RAD52: variants seen among roughly 807,000 people sequenced by gnomAD.
RAD52 encodes DNA repair protein RAD52 homolog.
Under a neutral mutation model 55.5 loss-of-function variants are expected in RAD52, and 47 were observed. The ratio of observed to expected loss-of-function variants is 0.85; its 90% CI spans 0.67 to 1.08. The LOEUF (loss-of-function observed/expected upper bound fraction) is 1.08. Ranked by LOEUF, RAD52 falls within the 50% of genes least tolerant of loss-of-function variation. The probability of loss-of-function intolerance (pLI) is 0.00; values close to 1 mark genes in which losing one functional copy is unlikely to be tolerated. For synonymous variants in RAD52, 184 were observed against 198.9 expected, an observed-to-expected ratio of 0.92 and a Z score of 0.63; for missense variants, 468 against 522.8, an observed-to-expected ratio of 0.90 and a Z score of 1.02.
upstream of RAD52, among the ~76,000 whole-genome samples, chr12:953,610 G>A (rs1432682117): frequency 6.6e-6 from 1 of 152,164 alleles, no homozygotes; most frequent in East Asian, 1.9e-4. Flanking sequence ...ACATGGCCGT[G>A]CCAAGTTCTT....
exon 1 of RAD52, chr12:989,980 A>G (rs568408257): frequency 6.6e-6 from 1 of 152,324 alleles, no homozygotes; most frequent in African/African-American, 2.4e-5. Flanking sequence ...ATATGTGGGA[A>G]GTACTGAAGG....
chr12:928,353 A>AAC (rs1957151819), intron 5 of RAD52, among the ~76,000 whole-genome samples: 1 of 152,056 alleles, frequency 6.6e-6, no homozygotes, highest in South Asian at 2.1e-4. Flanking sequence ...CTCTACTGAA[A>AAC]ACACACACAA....
chr12:949,966 C>T (rs967915287), upstream of RAD52, among the ~76,000 whole-genome samples: 1 of 152,192 alleles, frequency 6.6e-6, no homozygotes, highest in Non-Finnish European at 1.5e-5. Context: ...ATCTCTGCTG[C>T]CCCCTGGTGG....
intron 6 of RAD52, chr12:926,837 G>C: frequency 6.5e-7 from 1 of 1,536,882 alleles, no homozygotes; most frequent in South Asian, 1.2e-5. Context: ...GGAGAGGAGG[G>C]TGCTGTCTGT....
intron 1 of RAD52, among the ~76,000 whole-genome samples, chr12:955,227 C>T (rs1958587888): frequency 6.6e-6 from 1 of 152,116 alleles, no homozygotes; most frequent in South Asian, 2.1e-4. Context: ...ATACAAAATC[C>T]TATGTATGAT....
chr12:975,779 A>G (rs187110582), intron 1 of RAD52: 1 of 152,322 alleles, frequency 6.6e-6, no homozygotes, highest in East Asian at 1.9e-4. Flanking sequence ...AACCACCCCC[A>G]GTAAACTGCT....
chr12:969,131 A>G (rs1958807673), intron 1 of RAD52, among the ~76,000 whole-genome samples: 2 of 152,096 alleles, frequency 1.3e-5, no homozygotes, highest in African/African-American at 2.4e-5. Flanking sequence ...GAGGTGATTT[A>G]AAGTATACAG....
chr12:916,329 C>G lies in RAD52; in HGVS notation c.865+15G>C. 1 of 1,603,180 alleles carries G rather than the reference C, an allele frequency of 6.2e-7. No homozygotes were observed. Among genetic ancestry groups the G allele is most frequent in the Non-Finnish European group, 8.5e-7 (1 of 1,179,876 alleles). ...GCAGACGCCTCCCAGGGCCCTGCTC[C>G]CACCCCTCGCTCACCCTCACTCTTC... On this transcript the variant is annotated intron_variant, in intron 9 of 11. Coordinates refer to ENST00000358495, the MANE Select transcript of RAD52 (RefSeq NM_134424.4).
intron 1 of RAD52, among the ~76,000 whole-genome samples, chr12:939,912 T>C (rs1163556125): frequency 6.6e-6 from 1 of 152,016 alleles, no homozygotes; most frequent in Non-Finnish European, 1.5e-5. Flanking sequence ...CCGTCTCTAC[T>C]GAAAATACAA....
intron 1 of RAD52, among the ~76,000 whole-genome samples, chr12:939,085 T>TGTGTGTAGAG (rs57206780): frequency 1.4e-5 from 2 of 144,760 alleles, no homozygotes; most frequent in African/African-American, 5.2e-5. Context: ...TGTGTGTGTG[T>TGTGTGTAGAG]AGAGAGAGAG....
intron 1 of RAD52, among the ~76,000 whole-genome samples, chr12:937,076 T>C (rs888805627): frequency 1.6e-4 from 24 of 152,176 alleles, no homozygotes; most frequent in Admixed American, 1.2e-3. Context: ...TAATGTGCCA[T>C]GAAGCAAACC....
At chr12:924,713 T>C (rs1225016493) in intron 7 of RAD52, among the ~76,000 whole-genome samples, 1 of 152,142 alleles carries the variant, frequency 6.6e-6, no homozygotes, top group African/African-American at 2.4e-5. Context: ...TTATAGGTAT[T>C]GACAGAAATA....
intron 6 of RAD52, 77 bp from the exon 7 acceptor site, chr12:925,602 T>G (rs771417896): frequency 2.0e-4 from 237 of 1,207,482 alleles, no homozygotes; most frequent in Non-Finnish European, 2.6e-4. Flanking sequence ...AATTACAACT[T>G]TTGTACAGGT....
chr12:917,011 A>G (rs1051731327), intron 7 of RAD52, among the ~76,000 whole-genome samples, 191 bp from the exon 8 acceptor site: 28 of 152,214 alleles, frequency 1.8e-4, no homozygotes, highest in African/African-American at 6.5e-4. Flanking sequence ...AAGTTTTGAT[A>G]AAAAGGAATC....
intron 7 of RAD52, among the ~76,000 whole-genome samples, chr12:921,014 G>C (rs1956697887): frequency 6.6e-6 from 1 of 152,042 alleles, no homozygotes; most frequent in Non-Finnish European, 1.5e-5. Context: ...CCACAAATCA[G>C]TAGAAATTAA....
At position 929,626 on chromosome 12, in the gene RAD52, C is replaced by G; in HGVS notation, c.348+193G>C. ...TTTTAGGTGTCAGCTTGAACATGTG[C>G]AAGAGAACAGTTTTTCCATTCTTTT... On this transcript the variant is annotated intron_variant, in intron 5 of 11. Coordinates refer to ENST00000358495, the MANE Select transcript of RAD52 (RefSeq NM_134424.4). 2 of 776,116 alleles carry G rather than the reference C, an allele frequency of 2.6e-6. 1 individual carries two copies. Among genetic ancestry groups the G allele is most frequent in the South Asian group, 2.7e-5 (2 of 73,858 alleles). 48.1% of individuals were successfully genotyped at this position (776,116 alleles called of 1,614,324 possible).
rs943565778 is a variant in RAD52 at position 921,380 on chromosome 12, G to A, written c.543+4070C>T. On this transcript the variant is annotated intron_variant, in intron 7 of 11. Coordinates refer to ENST00000358495, the MANE Select transcript of RAD52 (RefSeq NM_134424.4). ...CCAGCATTTTGGGAGGCCAAGGCAG[G>A]TGGATCACTTGAGGCCAGGAGTTTG... Among the ~76,000 whole-genome samples the A allele has an allele frequency of 3.9e-5, 6 of 152,202 alleles. No homozygotes were observed. The South Asian group carries it at 8.3e-4, about 21-fold the overall frequency.
intron 1 of RAD52, among the ~76,000 whole-genome samples, chr12:942,890 T>G (rs1957995116): frequency 6.6e-6 from 1 of 152,164 alleles, no homozygotes; most frequent in Non-Finnish European, 1.5e-5. Context: ...GTAAAACTTC[T>G]GTTCATCAGA....
At chr12:918,428 G>A (rs2037883926) in intron 7 of RAD52, among the ~76,000 whole-genome samples, 2 of 152,126 alleles carry the variant, frequency 1.3e-5, no homozygotes, top group Admixed American at 6.5e-5. Context: ...AGAGGGTCTC[G>A]CTCTGTGGCC....
Sources: gnomAD v4.1 joint callset for allele counts (sites outside exome capture counted in the v4.1 genomes callset) on GRCh38, gnomAD v4.1.1 for gene constraint, MANE v1.5 for transcripts, NCBI Gene and HGNC (gene_info 2026-07-23, HGNC 2026-07-21) for gene names.